Variants in ATXN1 observed in about 807,000 individuals in gnomAD.
The protein encoded by ATXN1 is ataxin-1.
A neutral mutation model predicts 56.4 loss-of-function variants in ATXN1; 8 were observed. That is an observed-to-expected ratio of 0.14 (90% confidence interval 0.08 to 0.26). The LOEUF (loss-of-function observed/expected upper bound fraction) is 0.26. Ranked by LOEUF, ATXN1 falls within the 10% of genes least tolerant of loss-of-function variation. The pLI is 1.00. For synonymous variants in ATXN1, 514 were observed against 494.6 expected (o/e 1.04, Z -0.52); for missense variants, 987 against 1,106.5 (o/e 0.89, Z 1.53).
rs150375774 is a variant in ATXN1, at chr6:16,328,216, G to A, written c.95C>T (p.Thr32Ile). Residue 32 changes from threonine to isoleucine, a missense_variant, in exon 7 of 8, where the codon ACC becomes ATC. Physicochemically the swap from Thr to Ile is moderately conservative, Grantham distance 89 (BLOSUM62 -1). This residue lies in a region of ATXN1 where 723 missense variants were observed against 791.7 expected (regional missense o/e 0.91). Transcript: ENST00000436367. This position sits in a 1 kb window ranked among gnomAD's most constrained non-coding sequence, Gnocchi z 6.2. The stretch of plus-strand genomic sequence containing the variant: ...CACCCGGTGGTTGTCGCTGGGCAGG[G>A]TAGGGGCCTTCTCCTCGGAGGACCG... Reference protein sequence around the residue: ...TSRSSEEKAPTLPSDNHRVEG... With the variant: ...TSRSSEEKAPILPSDNHRVEG... 2 of 1,591,828 alleles carry A rather than the reference G, an allele frequency of 1.3e-6. No homozygotes were observed. The highest frequency in any genetic ancestry group is 1.1e-5 in the South Asian group (1 of 89,110).
At chr6:16,517,165 T>C (rs1002585985) in intron 5 of ATXN1, among the ~76,000 whole-genome samples, 1 of 152,254 alleles carries the variant, frequency 6.6e-6, no homozygotes, top group Non-Finnish European at 1.5e-5. Flanking sequence ...GTGTCAACCA[T>C]GGCTCATCAT....
intron 6 of ATXN1, among the ~76,000 whole-genome samples, chr6:16,461,391 A>T (rs1342278065): frequency 6.6e-6 from 1 of 152,202 alleles, no homozygotes; most frequent in Admixed American, 6.5e-5. Context: ...CAAATGGCCA[A>T]ATCCCTATTT....
intron 6 of ATXN1, among the ~76,000 whole-genome samples, chr6:16,479,269 C>G (rs1760389083): frequency 6.6e-6 from 1 of 152,140 alleles, no homozygotes; most frequent in South Asian, 2.1e-4. Context: ...AGCTAATTTG[C>G]TATCACACCT....
At chr6:16,484,927 A>G (rs1164755978) in intron 6 of ATXN1, among the ~76,000 whole-genome samples, 3 of 150,910 alleles carry the variant, frequency 2.0e-5, no homozygotes, top group Admixed American at 6.6e-5. Flanking sequence ...TGAGTTAAGA[A>G]GCTGGAAACC....
chr6:16,660,551 C>T (rs1299379720), intron 2 of ATXN1, among the ~76,000 whole-genome samples: 2 of 152,148 alleles, frequency 1.3e-5, no homozygotes, highest in African/African-American at 2.4e-5. Flanking sequence ...AAATGTAAGT[C>T]ACGGCCTTTT....
intron 6 of ATXN1, among the ~76,000 whole-genome samples, chr6:16,338,455 T>C (rs901560940): frequency 6.6e-6 from 1 of 152,216 alleles, no homozygotes; most frequent in Non-Finnish European, 1.5e-5. Context: ...ATCACACCAC[T>C]GCACTCCAGC....
intron 3 of ATXN1, among the ~76,000 whole-genome samples, chr6:16,591,395 G>T (rs1422572636): frequency 1.3e-5 from 2 of 152,048 alleles, no homozygotes; most frequent in African/African-American, 2.4e-5. Context: ...AGGTAGAATA[G>T]ACAAAACCAA....
chr6:16,510,935 A>G (rs1267406166), intron 5 of ATXN1, among the ~76,000 whole-genome samples: 1 of 152,078 alleles, frequency 6.6e-6, no homozygotes, highest in African/African-American at 2.4e-5. Flanking sequence ...CCAATAGTAC[A>G]CTTCTCCCAC....
chr6:16,608,918 A>G (rs1763057105), intron 3 of ATXN1, among the ~76,000 whole-genome samples: 3 of 152,210 alleles, frequency 2.0e-5, no homozygotes, highest in Admixed American at 2.0e-4. Context: ...TGTGTTTTGT[A>G]AATTTCCCCT....
intron 6 of ATXN1, among the ~76,000 whole-genome samples, chr6:16,447,096 C>A (rs1365912671): frequency 6.6e-6 from 1 of 152,156 alleles, no homozygotes; most frequent in Non-Finnish European, 1.5e-5. Flanking sequence ...GTGCTTATCA[C>A]TAGAAGCCAG....
At chr6:16,411,595 C>T (rs1758802337) in intron 6 of ATXN1, among the ~76,000 whole-genome samples, 1 of 151,772 alleles carries the variant, frequency 6.6e-6, no homozygotes, top group South Asian at 2.1e-4. Context: ...GGATTTAAGA[C>T]ATTGGGGAGA....
intron 2 of ATXN1, chr6:16,739,321 TTCCAA>T (rs1760252739): frequency 6.6e-6 from 1 of 152,626 alleles, no homozygotes; most frequent in Admixed American, 6.5e-5. Context: ...GAGAAAATTC[TTCCAA>T]TCCAACAATC....
At chr6:16,402,303 C>T (rs981028642) in intron 6 of ATXN1, among the ~76,000 whole-genome samples, 1 of 107,460 alleles carries the variant, frequency 9.3e-6, no homozygotes, top group Non-Finnish European at 1.7e-5. Context: ...AATGCTTGGT[C>T]ATTAATTTCT....
At chr6:16,668,051 G>T (rs1449042925) in intron 2 of ATXN1, among the ~76,000 whole-genome samples, 1 of 152,164 alleles carries the variant, frequency 6.6e-6, no homozygotes, top group Non-Finnish European at 1.5e-5. Context: ...ATTAATAGAT[G>T]ACAGATGTTC....
At chr6:16,480,096 G>T (rs1391597320) in intron 6 of ATXN1, among the ~76,000 whole-genome samples, 1 of 137,160 alleles carries the variant, frequency 7.3e-6, no homozygotes, top group East Asian at 2.0e-4. Flanking sequence ...AGGTTGCAGT[G>T]AGTTAAGATC....
intron 6 of ATXN1, among the ~76,000 whole-genome samples, chr6:16,349,851 T>G (rs148754460): frequency 2.0e-5 from 3 of 152,256 alleles, no homozygotes; most frequent in African/African-American, 7.2e-5. Flanking sequence ...AATTTAAGTA[T>G]GTCTGTTGTT....
chr6:16,584,313 G>A lies in ATXN1; in HGVS notation c.-361+1467C>T, dbSNP rs78260927. Among the ~76,000 whole-genome samples the A allele has an allele frequency of 6.0e-3, 859 of 142,302 alleles. 10 individuals carry two copies. The highest frequency in any genetic ancestry group is 0.021 in the African/African-American group (809 of 39,062). The allele number at this position is 142,302 out of a possible 152,430, so 93.4% of individuals were successfully genotyped here. On this transcript the variant is annotated intron_variant, in intron 4 of 7. Transcript: ENST00000436367. ...ATATACACACACACATACATATATA[G>A]GCACATACATATTTTTAAACTAATG... is the stretch of plus-strand genomic sequence containing the variant.
In ATXN1 at chr6:16,327,717, C is replaced by A. The variant is rs754419317; in HGVS notation, c.594G>T (p.Gln198His). 8 of 1,606,252 alleles carry A rather than the reference C, an allele frequency of 5.0e-6. No individual in the cohort carries two copies. The highest frequency in any genetic ancestry group is 3.3e-5 in the Admixed American group (2 of 59,940). Residue 198 changes from glutamine to histidine, a missense_variant, in exon 7 of 8, where the codon CAG (glutamine) becomes CAT (histidine). Around this residue, in one of 3 missense-constraint regions of ATXN1, gnomAD observed 723 missense variants for 791.7 expected, o/e 0.91. Transcript: ENST00000436367. ...GCTGCTGCTGCTGCTGCTGCTGCTG[C>A]TGCTGCTCAGCCTTGTGTCCCGGCG... Reference protein sequence around the residue: ...SQTPGHKAEQQQQQQQQQQQQ... With the variant: ...SQTPGHKAEQHQQQQQQQQQQ...
intron 5 of ATXN1, among the ~76,000 whole-genome samples, chr6:16,492,975 C>T (rs1760699713): frequency 6.6e-6 from 1 of 152,190 alleles, no homozygotes; most frequent in Admixed American, 6.5e-5. Flanking sequence ...CACATTCCAT[C>T]GGTTTCCAAG....
Sources: allele counts gnomAD v4.1 joint callset (sites outside exome capture counted in the v4.1 genomes callset), GRCh38; gene constraint gnomAD v4.1.1; regional missense constraint gnomAD v4.1.1; non-coding constraint Gnocchi (gnomAD v3.1); transcripts MANE v1.5; gene names NCBI Gene and HGNC (gene_info 2026-07-23, HGNC 2026-07-21).